Variants in COL4A3 observed in about 807,000 individuals in gnomAD.
COL4A3 encodes the protein collagen type IV alpha 3 chain.
Under a neutral mutation model 217.4 loss-of-function variants are expected in COL4A3, and 135 were observed. The ratio of observed to expected loss-of-function variants is 0.62; its 90% confidence interval spans 0.54 to 0.72. The LOEUF (loss-of-function observed/expected upper bound fraction) is 0.72, where lower values mean the gene tolerates loss of function less well. COL4A3 is among the 30% of genes least tolerant of loss of function. The pLI is 0.00. For synonymous variants in COL4A3, 690 were observed against 736.3 expected (o/e 0.94, Z 1.02); for missense variants, 1,868 against 2,119.9 (o/e 0.88, Z 2.33).
At chr2:227,294,350 TG>T (rs1161191009) in intron 38 of COL4A3, 139 bp from the exon 39 acceptor site, 2 of 756,400 alleles carry the variant, frequency 2.6e-6, no homozygotes, top group Non-Finnish European at 4.9e-6. Context: ...GACAAAATCA[TG>T]GGGTGACCTT....
intron 20 of COL4A3, 51 bp from the exon 21 acceptor site, chr2:227,263,729 G>A (rs547169707): frequency 6.2e-5 from 95 of 1,533,732 alleles, no homozygotes; most frequent in East Asian, 3.3e-4. Flanking sequence ...AAATAAATTC[G>A]TATTAATCAG....
In COL4A3 at chr2:227,293,251, C is replaced by T; in HGVS notation, c.3271C>T (p.Pro1091Ser). 6.2e-7 allele frequency: 1 copy of T among 1,613,900 alleles called. No homozygotes were observed. Among genetic ancestry groups the T allele is most frequent in the Non-Finnish European group, 8.5e-7 (1 of 1,180,024 alleles). The change falls in exon 38 of 52, where the codon CCT becomes TCT. Residue 1091 changes from proline (P) to serine (S), a missense_variant. Transcript: ENST00000396578. The stretch of plus-strand genomic sequence containing the variant: ...AGGAGAAATGGGGCAACCTGGCCCA[C>T]CTGGACATTTGGGGCCTGCTGGACC... ...KKGEMGQPGP[P>S]GHLGPAGPEG...
At chr2:227,269,573 G>A (rs1389011252) in intron 23 of COL4A3, among the ~76,000 whole-genome samples, 2 of 151,828 alleles carry the variant, frequency 1.3e-5, no homozygotes, top group African/African-American at 2.4e-5. Context: ...ATTATCTTCT[G>A]GTAGATTTAT....
Position 227,311,882 on chromosome 2 carries a change from A to G in COL4A3, c.*12A>G. 1 of 1,613,788 alleles carries G rather than the reference A, an allele frequency of 6.2e-7. No homozygotes were observed. The highest frequency in any genetic ancestry group is 8.5e-7 in the Non-Finnish European group (1 of 1,179,814). On this transcript the variant is annotated 3_prime_UTR_variant, in exon 52 of 52. Transcript: ENST00000396578. Reference sequence around the variant, plus strand: ...AGAAAAGACACTGAAGCTAAAAAAGACAGCAGAACTGCTATTTTTCATCCT... The same window carrying G: ...AGAAAAGACACTGAAGCTAAAAAAGGCAGCAGAACTGCTATTTTTCATCCT...
intron 21 of COL4A3, chr2:227,265,951 A>C (rs1330403110): frequency 6.2e-6 from 1 of 160,812 alleles, no homozygotes; most frequent in African/African-American, 2.4e-5. Context: ...CAAAATGGGG[A>C]AAAGCCCATT....
At chr2:227,197,195 G>C (rs777235454) in intron 1 of COL4A3, among the ~76,000 whole-genome samples, 1 of 151,692 alleles carries the variant, frequency 6.6e-6, no homozygotes, top group East Asian at 1.9e-4. Flanking sequence ...TTTTGGGTAC[G>C]GTTTTTTTGT....
intron 1 of COL4A3, among the ~76,000 whole-genome samples, chr2:227,173,312 T>C (rs2065557867): frequency 6.6e-6 from 1 of 152,212 alleles, no homozygotes; most frequent in Admixed American, 6.5e-5. Flanking sequence ...CTTCCTAGCA[T>C]AAAGGATTAG....
chr2:227,307,982 C>A (rs773065753), intron 48 of COL4A3, 63 bp downstream of exon 48: 2 of 1,419,228 alleles, frequency 1.4e-6, no homozygotes, highest in Non-Finnish European at 2.0e-6. Context: ...ATCTTTATAG[C>A]CTAGGATGCT....
At chr2:227,175,188 C>A (rs2065633112) in intron 1 of COL4A3, among the ~76,000 whole-genome samples, 1 of 152,022 alleles carries the variant, frequency 6.6e-6, no homozygotes, top group South Asian at 2.1e-4. Flanking sequence ...AGAATAAAAC[C>A]AGGCCAGGCA....
In COL4A3 at chr2:227,176,391, A is replaced by G. The variant is rs1267243160; in HGVS notation, c.87+11578A>G. Among the ~76,000 whole-genome samples, 6 of 152,224 alleles carry G rather than the reference A, an allele frequency of 3.9e-5. 1 individual carries two copies. Among genetic ancestry groups the G allele is most frequent in the Middle Eastern group, 3.2e-3 (1 of 316 alleles). The stretch of plus-strand genomic sequence containing the variant: ...AATTTGCACACACGTATATTTAAAT[A>G]ATATTTTATATTCTCAGCATTTTGG... On this transcript the variant is annotated intron_variant, in intron 1 of 51. Transcript: ENST00000396578.
chr2:227,265,794 G>C (rs1285597877), intron 21 of COL4A3: 1 of 153,726 alleles, frequency 6.5e-6, no homozygotes, highest in African/African-American at 2.4e-5. Flanking sequence ...TGCTAATAAA[G>C]GCATATCCGA....
intron 28 of COL4A3, among the ~76,000 whole-genome samples, chr2:227,278,830 C>A (rs1226656282): frequency 1.3e-5 from 2 of 152,212 alleles, no homozygotes; most frequent in Non-Finnish European, 2.9e-5. Flanking sequence ...CATGAACTAA[C>A]TGCAAATTAA....
In COL4A3 at chr2:227,167,023, C is replaced by T. The variant is rs376421385; in HGVS notation, c.87+2210C>T. Among the ~76,000 whole-genome samples the T allele has an allele frequency of 8.5e-5, 13 of 152,274 alleles. No homozygotes were observed. In the East Asian group the frequency reaches 2.5e-3, roughly 29 times the overall value. ...TAGAATTCAAGCCCAATTGTGCCAG[C>T]ATCACTTCAAGAGAGAAGTTGGGAA... On this transcript the variant is annotated intron_variant, in intron 1 of 51. Transcript: ENST00000396578.
At chr2:227,247,435 G>A (rs1253018172) in intron 7 of COL4A3, 123 bp from the exon 8 acceptor site, 2 of 884,800 alleles carry the variant, frequency 2.3e-6, no homozygotes, top group Non-Finnish European at 3.9e-6. Flanking sequence ...ACTTTGCTTT[G>A]TAAGGCCGTG....
chr2:227,256,011 T>C lies in COL4A3; in HGVS notation c.889-15T>C. 1 of 1,613,448 alleles carries C rather than the reference T, an allele frequency of 6.2e-7. No individual in the cohort carries two copies. The highest frequency in any genetic ancestry group is 1.3e-5 in the African/African-American group (1 of 75,056). ...ATTTATTACATTTCATGTTTTTGAT[T>C]TGTTTTTGCTGTAGGGAAAACCCGG... On this transcript the variant is annotated splice_polypyrimidine_tract_variant and intron_variant, in intron 15 of 51. Coordinates refer to ENST00000396578, the MANE Select transcript of COL4A3 (RefSeq NM_000091.5).
chr2:227,299,571 C>T (rs546652312), intron 43 of COL4A3, among the ~76,000 whole-genome samples: 3 of 152,108 alleles, frequency 2.0e-5, no homozygotes, highest in African/African-American at 7.2e-5. Flanking sequence ...ACAGCCAAAC[C>T]ATATCATTAA....
At chr2:227,188,021 A>C (rs1468870525) in intron 1 of COL4A3, among the ~76,000 whole-genome samples, 1 of 152,202 alleles carries the variant, frequency 6.6e-6, no homozygotes, top group African/African-American at 2.4e-5. Context: ...TAACAAACAA[A>C]CAGCAGCCCC....
chr2:227,254,220 G>A (rs1487108919), intron 14 of COL4A3, 46 bp downstream of exon 14: 12 of 1,511,972 alleles, frequency 7.9e-6, no homozygotes, highest in African/African-American at 1.4e-5. Flanking sequence ...ATAAAGTAGA[G>A]CCTTAGTATT....
At chr2:227,289,735 C>CT (rs1201308996) in intron 35 of COL4A3, among the ~76,000 whole-genome samples, 1 of 152,116 alleles carries the variant, frequency 6.6e-6, no homozygotes, top group Non-Finnish European at 1.5e-5. Context: ...CAGGAGCCCA[C>CT]TTTTTTCCCG....
Sources: allele counts gnomAD v4.1 joint callset (sites outside exome capture counted in the v4.1 genomes callset), GRCh38; gene constraint gnomAD v4.1.1; transcripts MANE v1.5; gene names NCBI Gene and HGNC (gene_info 2026-07-23, HGNC 2026-07-21).